The following SIM2 variants were observed in gnomAD, a reference collection of about 807,000 sequenced individuals.
SIM2 encodes the protein SIM bHLH transcription factor 2, also known as single-minded homolog 2.
SIM2 carries 28 observed loss-of-function variants against 64.8 expected under a neutral mutation model. The observed-to-expected ratio is 0.43, with a 90% CI of 0.32 to 0.59. SIM2 has a LOEUF of 0.59. Ranked by LOEUF, SIM2 falls within the 20% of genes least tolerant of loss-of-function variation. The pLI, the probability that SIM2 is intolerant of heterozygous loss-of-function variation, is 0.07. For synonymous variants in SIM2, 408 were observed against 391.1 expected (o/e 1.04, Z -0.51); for missense variants, 847 against 871.4 (o/e 0.97, Z 0.35).
At chr21:36,710,414 T>C (rs1199358859) in intron 2 of SIM2, 1 of 152,182 alleles carries the variant, frequency 6.6e-6, no homozygotes, top group Non-Finnish European at 1.5e-5. Flanking sequence ...TGAGCACAGC[T>C]CGCCACTTCC....
intron 1 of SIM2, among the ~76,000 whole-genome samples, chr21:36,704,624 T>C (rs984788086): frequency 3.9e-5 from 6 of 152,180 alleles, no homozygotes; most frequent in Admixed American, 3.3e-4. Context: ...AAAGGGAGCC[T>C]CCGGGCGGCT....
intron 5 of SIM2, among the ~76,000 whole-genome samples, chr21:36,723,854 G>A (rs1238577661): frequency 1.3e-5 from 2 of 152,218 alleles, no homozygotes; most frequent in African/African-American, 4.8e-5. Context: ...GCCCCCCAGG[G>A]AAAAGTGGGT....
chr21:36,699,621 C>A lies in SIM2; in HGVS notation c.-126C>A. ...CCCCGGGAGGCCCCCCGCACCTGCC[C>A]GCGGCCCACTCCGCGGACTCACCTG... On this transcript the variant is annotated 5_prime_UTR_variant, in exon 1 of 11. Transcript: ENST00000290399. This position sits in a 1 kb window ranked among gnomAD's most constrained non-coding sequence, Gnocchi z 5.6. 9.2e-7 allele frequency: 1 copy of A among 1,084,968 alleles called. No individual in the cohort carries two copies. The highest frequency in any genetic ancestry group is 1.3e-6 in the Non-Finnish European group (1 of 791,886). The allele number at this position is 1,084,968 out of a possible 1,614,324, so 67.2% of individuals were successfully genotyped here. A position where few individuals can be genotyped will look rare whatever the true frequency, so the allele number is the denominator to read the frequency against.
chr21:36,712,048 G>A (rs367748016), intron 2 of SIM2, among the ~76,000 whole-genome samples: 47 of 152,204 alleles, frequency 3.1e-4, no homozygotes, highest in African/African-American at 1.1e-3. Context: ...GGTAGTGTTC[G>A]GAATTTATTA....
chr21:36,731,041 A>G lies in SIM2; in HGVS notation c.744-4A>G. The G allele has an allele frequency of 6.2e-7, 1 of 1,612,706 alleles. No individual in the cohort carries two copies. Among genetic ancestry groups the G allele is most frequent in the East Asian group, 2.2e-5 (1 of 44,868 alleles). ...TAACTCACTGAGCTGCCATGCCCCCACAGGGTGACCGAGGTGACGGGGTAC... is the reference window on the plus strand; with the variant it reads ...TAACTCACTGAGCTGCCATGCCCCCGCAGGGTGACCGAGGTGACGGGGTAC... On this transcript the variant is annotated splice_region_variant and splice_polypyrimidine_tract_variant and intron_variant, in intron 6 of 10. Coordinates refer to ENST00000290399, the MANE Select transcript of SIM2 (RefSeq NM_005069.6).
At chr21:36,700,226 C>A (rs1477644089) in intron 1 of SIM2, among the ~76,000 whole-genome samples, 1 of 152,008 alleles carries the variant, frequency 6.6e-6, no homozygotes, top group Non-Finnish European at 1.5e-5. Context: ...TGGTTTTGTT[C>A]TTTCTCCCTT....
intron 5 of SIM2, among the ~76,000 whole-genome samples, chr21:36,723,963 C>T (rs935491331): frequency 6.6e-6 from 1 of 152,244 alleles, no homozygotes; most frequent in African/African-American, 2.4e-5. Flanking sequence ...TCTCTCCAAC[C>T]TCAGAGGACA....
Position 36,747,141 on chromosome 21 carries a change from G to T in SIM2, c.1577-524G>T, listed in dbSNP as rs1268630628. ...TTTTTCATTATGACACGGCGAAACC[G>T]ATCGGGGTGGTTACCACCCCTCTCC... is the stretch of plus-strand genomic sequence containing the variant. On this transcript the variant is annotated intron_variant, in intron 10 of 10. Coordinates refer to ENST00000290399, the MANE Select transcript of SIM2 (RefSeq NM_005069.6). This position sits in a 1 kb window ranked among gnomAD's most constrained non-coding sequence, Gnocchi z 4.5. Among the ~76,000 whole-genome samples the T allele has an allele frequency of 6.6e-6, 1 of 152,068 alleles. No homozygotes were observed. Among genetic ancestry groups the T allele is most frequent in the Non-Finnish European group, 1.5e-5 (1 of 67,984 alleles).
rs754351252 is a variant in SIM2 at position 36,699,977 on chromosome 21, G to A, written c.175+56G>A. On this transcript the variant is annotated intron_variant, in intron 1 of 10. Coordinates refer to ENST00000290399, the MANE Select transcript of SIM2 (RefSeq NM_005069.6). The surrounding 1 kb of genome is among the most constrained non-coding windows in gnomAD (Gnocchi z 5.6). Reference sequence around the variant, plus strand: ...TGGGGAGCCCGGCGGCCCCGGCCCAGGCGGGAAGCGCAAGCCAGCCCGCCC... The same window carrying A: ...TGGGGAGCCCGGCGGCCCCGGCCCAAGCGGGAAGCGCAAGCCAGCCCGCCC... The A allele has an allele frequency of 1.1e-4, 165 of 1,509,244 alleles. No individual in the cohort carries two copies. The highest frequency in any genetic ancestry group is 1.5e-4 in the Admixed American group (6 of 40,010). 93.5% of individuals were successfully genotyped at this position (1,509,244 alleles called of 1,614,324 possible).
At position 36,726,153 on chromosome 21, in the gene SIM2, A is replaced by G; in HGVS notation, c.578A>G (p.Gln193Arg). The G allele has an allele frequency of 1.2e-6, 2 of 1,613,964 alleles. No individual in the cohort carries two copies. The highest frequency in any genetic ancestry group is 1.7e-6 in the Non-Finnish European group (2 of 1,180,038). ...IHCSGYLKIR[Q>R]YMLDMSLYDS... ...TGCAGTGGCTACTTGAAGATCAGGC[A>G]GTATATGCTGGACATGTCCCTGTAC... Residue 193 changes from glutamine (Q) to arginine (R), a missense_variant, in exon 6 of 11, where the codon CAG (glutamine) becomes CGG (arginine). Physicochemically the swap from Gln to Arg is conservative, Grantham distance 43 (BLOSUM62 1). Coordinates refer to ENST00000290399, the MANE Select transcript of SIM2 (RefSeq NM_005069.6). This position sits in a 1 kb window ranked among gnomAD's most constrained non-coding sequence, Gnocchi z 4.5.
At chr21:36,739,412 T>C (rs1413061507) in intron 7 of SIM2, among the ~76,000 whole-genome samples, 1 of 152,260 alleles carries the variant, frequency 6.6e-6, no homozygotes, top group Non-Finnish European at 1.5e-5. Flanking sequence ...TTGTCTTTTC[T>C]TCTGTTAACA....
chr21:36,703,382 G>C (rs78944375), intron 1 of SIM2, among the ~76,000 whole-genome samples: 2,900 of 152,286 alleles, frequency 0.019, 24 homozygotes, highest in Non-Finnish European at 0.025. Context: ...CAATGCACAG[G>C]GTTGCTGTGA....
intron 3 of SIM2, among the ~76,000 whole-genome samples, chr21:36,715,103 G>A (rs368556134): frequency 2.6e-5 from 4 of 152,118 alleles, no homozygotes; most frequent in African/African-American, 4.8e-5. Context: ...ATTTCTCTGC[G>A]GGGCTGTGTT....
intron 3 of SIM2, among the ~76,000 whole-genome samples, chr21:36,713,289 G>A (rs950883646): frequency 4.6e-5 from 7 of 152,104 alleles, no homozygotes; most frequent in Admixed American, 2.6e-4. Flanking sequence ...AAAGTCCACC[G>A]TTTCCTTAGA....
In SIM2 at chr21:36,716,385, A is replaced by G. The variant is rs553085289; in HGVS notation, c.349-3436A>G. Among the ~76,000 whole-genome samples, 205 of 104,728 alleles carry G rather than the reference A, an allele frequency of 2.0e-3. 1 individual carries two copies. The highest frequency in any genetic ancestry group is 5.5e-3 in the African/African-American group (191 of 34,682). The allele number at this position is 104,728 out of a possible 152,430, so 68.7% of individuals were successfully genotyped here. On this transcript the variant is annotated intron_variant, in intron 3 of 10. Transcript: ENST00000290399. ...AAATATACGTATGTAAGAAATAGCT[A>G]TTTATGAGACACATAAAAGAATGTC...
rs1196127093 is a variant in SIM2, at chr21:36,699,416, AC to A, written c.-325del. The A allele has an allele frequency of 6.3e-5, 11 of 174,556 alleles. No homozygotes were observed. The highest frequency in any genetic ancestry group is 1.6e-4 in the East Asian group (1 of 6,368). 10.8% of individuals were successfully genotyped at this position (174,556 alleles called of 1,614,324 possible). A position where few individuals can be genotyped will look rare whatever the true frequency, so the allele number is the denominator to read the frequency against. On this transcript the variant is annotated 5_prime_UTR_variant, in exon 1 of 11. Transcript: ENST00000290399. The surrounding 1 kb of genome is among the most constrained non-coding windows in gnomAD (Gnocchi z 5.6). ...CTCCGCCTCCGCGCCGGCCGCCCCC[AC>A]CCCCCAGGAAGGCCGAGGCAGGAGA...
intron 3 of SIM2, among the ~76,000 whole-genome samples, chr21:36,714,063 C>T (rs745380686): frequency 9.2e-5 from 14 of 152,184 alleles, no homozygotes; most frequent in Admixed American, 3.9e-4. Context: ...AAAGTAAATG[C>T]GGTCTTTCCA....
At chr21:36,706,283 C>T (rs1281295247) in intron 1 of SIM2, among the ~76,000 whole-genome samples, 3 of 152,310 alleles carry the variant, frequency 2.0e-5, no homozygotes, top group African/African-American at 4.8e-5. Flanking sequence ...TCCCAGCAAC[C>T]TGGCCATCCC....
intron 4 of SIM2, 110 bp from the exon 5 acceptor site, chr21:36,722,935 A>C (rs2088842944): frequency 1.2e-6 from 1 of 818,920 alleles, no homozygotes; most frequent in African/African-American, 1.7e-5. Flanking sequence ...GCACACTGAG[A>C]AGGCCTCTGG....
Sources: allele counts gnomAD v4.1 joint callset (sites outside exome capture counted in the v4.1 genomes callset), GRCh38; gene constraint gnomAD v4.1.1; non-coding constraint Gnocchi (gnomAD v3.1); transcripts MANE v1.5; gene names NCBI Gene and HGNC (gene_info 2026-07-23, HGNC 2026-07-21).